DSCAML1: variants seen among roughly 807,000 people sequenced by gnomAD.
DSCAML1 encodes the protein DS cell adhesion molecule like 1.
DSCAML1 carries 38 observed loss-of-function variants against 200.5 expected under a neutral mutation model. The observed-to-expected ratio is 0.19, with a 90% CI of 0.15 to 0.25. DSCAML1 has a LOEUF of 0.25. Ranked by LOEUF, DSCAML1 falls within the 10% of genes least tolerant of loss-of-function variation. The pLI, the probability that DSCAML1 is intolerant of heterozygous loss-of-function variation, is 1.00. For missense variants in DSCAML1, 2,223 were observed against 2,858.8 expected, an observed-to-expected ratio of 0.78 and a Z score of 5.07; for synonymous variants, 1,215 against 1,165.0, an observed-to-expected ratio of 1.04 and a Z score of -0.87.
Position 117,504,080 on chromosome 11 carries a change from C to A in DSCAML1, c.2183-59G>T. 2 of 1,578,504 alleles carry A rather than the reference C, an allele frequency of 1.3e-6. No homozygotes were observed. Among genetic ancestry groups the A allele is most frequent in the South Asian group, 1.2e-5 (1 of 86,568 alleles). Reference sequence around the variant, plus strand: ...TGCACTGGGGCATAAGCTGAGAGTGCCCCAGGAGTGGCCCTGACACCTCGC... The same window carrying A: ...TGCACTGGGGCATAAGCTGAGAGTGACCCAGGAGTGGCCCTGACACCTCGC... On this transcript the variant is annotated intron_variant, in intron 10 of 32. Coordinates refer to ENST00000651296, the MANE Select transcript of DSCAML1 (RefSeq NM_020693.4). This position sits in a 1 kb window ranked among gnomAD's most constrained non-coding sequence, Gnocchi z 5.0.
At chr11:117,572,196 C>T (rs905589147) in intron 3 of DSCAML1, among the ~76,000 whole-genome samples, 1 of 152,178 alleles carries the variant, frequency 6.6e-6, no homozygotes. Flanking sequence ...ATCCAAGAAC[C>T]CTCTCTTGGG....
chr11:117,799,579 G>T (rs144952625), upstream of DSCAML1, among the ~76,000 whole-genome samples: 1 of 152,196 alleles, frequency 6.6e-6, no homozygotes, highest in Non-Finnish European at 1.5e-5. Context: ...GGAAATAAAC[G>T]GGTGGTCAGT....
intron 3 of DSCAML1, among the ~76,000 whole-genome samples, chr11:117,616,482 ACAGTGTGTTTTT>A (rs1298081740): frequency 6.6e-6 from 1 of 152,238 alleles, no homozygotes; most frequent in African/African-American, 2.4e-5. Flanking sequence ...TGAATATAGC[ACAGTGTGTTTTT>A]CTACTGCTGG....
chr11:117,636,182 A>G (rs1382079080), intron 3 of DSCAML1, among the ~76,000 whole-genome samples: 2 of 152,190 alleles, frequency 1.3e-5, no homozygotes, highest in African/African-American at 4.8e-5. Flanking sequence ...TATCTGAATG[A>G]GGAAAAACCG....
intron 3 of DSCAML1, among the ~76,000 whole-genome samples, chr11:117,575,127 G>A (rs1182276440): frequency 6.6e-6 from 1 of 152,158 alleles, no homozygotes; most frequent in East Asian, 1.9e-4. Flanking sequence ...GGAGGCGGAG[G>A]TTGCAATGAG....
At chr11:117,722,153 C>T (rs974972669) in intron 3 of DSCAML1, among the ~76,000 whole-genome samples, 5 of 152,246 alleles carry the variant, frequency 3.3e-5, no homozygotes, top group African/African-American at 1.2e-4. Flanking sequence ...ATTCTGCTAA[C>T]CAGCCCCAGC....
intron 3 of DSCAML1, among the ~76,000 whole-genome samples, chr11:117,746,837 C>T (rs1039287781): frequency 6.6e-6 from 1 of 152,138 alleles, no homozygotes. Flanking sequence ...GCTCAGGCTT[C>T]AGGACTCGGC....
intron 3 of DSCAML1, among the ~76,000 whole-genome samples, chr11:117,657,474 G>A (rs976345328): frequency 3.9e-5 from 6 of 152,188 alleles, no homozygotes; most frequent in Non-Finnish European, 8.8e-5. Flanking sequence ...CCTGCCACAA[G>A]TCCTTTTGTC....
chr11:117,470,943 A>G (rs2048673497), intron 15 of DSCAML1, among the ~76,000 whole-genome samples: 2 of 152,266 alleles, frequency 1.3e-5, no homozygotes, highest in South Asian at 2.1e-4. Flanking sequence ...AAACTAAATT[A>G]TACATTTTAT....
chr11:117,581,826 G>A (rs1319827626), intron 3 of DSCAML1, among the ~76,000 whole-genome samples: 6 of 152,108 alleles, frequency 3.9e-5, no homozygotes, highest in African/African-American at 1.2e-4. Context: ...GTCCATGCAC[G>A]CCCTTCTAGA....
At chr11:117,719,358 C>A (rs1392484347) in intron 3 of DSCAML1, among the ~76,000 whole-genome samples, 3 of 152,190 alleles carry the variant, frequency 2.0e-5, no homozygotes, top group African/African-American at 2.4e-5. Context: ...GCAGGAGAAT[C>A]ACTTGAACCC....
chr11:117,582,407 G>A (rs1473685951), intron 3 of DSCAML1, among the ~76,000 whole-genome samples: 1 of 152,202 alleles, frequency 6.6e-6, no homozygotes, highest in East Asian at 1.9e-4. Context: ...ATCTTGGCTG[G>A]TTGAGAGAGG....
intron 3 of DSCAML1, among the ~76,000 whole-genome samples, chr11:117,674,100 A>G (rs1203570585): frequency 6.6e-6 from 1 of 152,178 alleles, no homozygotes; most frequent in African/African-American, 2.4e-5. Flanking sequence ...CAAGTGCAGC[A>G]CTTATATCCA....
intron 3 of DSCAML1, among the ~76,000 whole-genome samples, chr11:117,566,356 C>CTCTTTTT (rs199711944): frequency 8.3e-6 from 1 of 120,356 alleles, no homozygotes; most frequent in Admixed American, 8.6e-5. Flanking sequence ...CTCTCTCTCT[C>CTCTTTTT]TTTTTTTTTT....
At chr11:117,769,733 C>T (rs1234171938) in intron 3 of DSCAML1, among the ~76,000 whole-genome samples, 2 of 150,702 alleles carry the variant, frequency 1.3e-5, no homozygotes, top group African/African-American at 4.9e-5. Flanking sequence ...CCTCAGCTTG[C>T]CCATCTGTAA....
At chr11:117,457,523 A>G (rs1043614348) in intron 19 of DSCAML1, among the ~76,000 whole-genome samples, 4 of 152,190 alleles carry the variant, frequency 2.6e-5, no homozygotes, top group African/African-American at 9.7e-5. Context: ...TCCACGCTGG[A>G]GCAGGTGGCT....
rs181477167 is a variant in DSCAML1, at chr11:117,758,604, G to A, written c.511+18187C>T. Among the ~76,000 whole-genome samples the A allele has an allele frequency of 1.2e-4, 19 of 152,008 alleles. No individual in the cohort carries two copies. In the East Asian group the frequency reaches 2.9e-3, roughly 23 times the overall value. On this transcript the variant is annotated intron_variant, in intron 3 of 32. Coordinates refer to ENST00000651296, the MANE Select transcript of DSCAML1 (RefSeq NM_020693.4). ...TTTTTAGTAGAGATGGGGTTTCACC[G>A]TGTTAGCCAGGATGGTCTCGATCTC...
intron 3 of DSCAML1, among the ~76,000 whole-genome samples, chr11:117,560,956 G>C (rs1173616577): frequency 6.6e-6 from 1 of 152,172 alleles, no homozygotes; most frequent in East Asian, 1.9e-4. Context: ...CTGAGGGCGG[G>C]GCTCCAGGGC....
chr11:117,518,819 C>G lies in DSCAML1; in HGVS notation c.1214-57G>C. On this transcript the variant is annotated intron_variant, in intron 6 of 32. Transcript: ENST00000651296. The surrounding 1 kb of genome is among the most constrained non-coding windows in gnomAD (Gnocchi z 6.3). The stretch of plus-strand genomic sequence containing the variant: ...ACCAAGCCATGGAGAGACGGTCCCC[C>G]CAGCCACCCCACCTCAGCAGGGGAG... 6.5e-7 allele frequency: 1 copy of G among 1,537,944 alleles called. No individual in the cohort carries two copies. Among genetic ancestry groups the G allele is most frequent in the East Asian group, 2.3e-5 (1 of 43,050 alleles).
Sources: gnomAD v4.1 joint callset for allele counts (sites outside exome capture counted in the v4.1 genomes callset) on GRCh38, gnomAD v4.1.1 for gene constraint, Gnocchi (gnomAD v3.1) non-coding constraint, MANE v1.5 for transcripts, NCBI Gene and HGNC (gene_info 2026-07-23, HGNC 2026-07-21) for gene names.